Variants in NRXN1 observed in about 807,000 individuals in gnomAD.
NRXN1 encodes neurexin 1.
NRXN1 carries 39 observed loss-of-function variants against 150.9 expected under a neutral mutation model. The observed-to-expected ratio is 0.26, with a 90% CI of 0.20 to 0.34. NRXN1 has a LOEUF of 0.34. NRXN1 is among the 10% of genes least tolerant of loss of function. The probability of loss-of-function intolerance (pLI) is 1.00; values close to 1 mark genes in which losing one functional copy is unlikely to be tolerated. For synonymous variants in NRXN1, 924 were observed against 757.0 expected (o/e 1.22, Z -3.62); for missense variants, 1,815 against 1,949.9 (o/e 0.93, Z 1.30).
chr2:50,199,664 G>C (rs1224927522), intron 18 of NRXN1, among the ~76,000 whole-genome samples: 1 of 151,904 alleles, frequency 6.6e-6, no homozygotes, highest in South Asian at 2.1e-4. Flanking sequence ...TTTAATGAAG[G>C]ATTTGTCAGT....
At chr2:50,462,630 T>C (rs745345824) in intron 17 of NRXN1, among the ~76,000 whole-genome samples, 12 of 151,816 alleles carry the variant, frequency 7.9e-5, no homozygotes, top group Non-Finnish European at 1.2e-4. Context: ...TTTTTGTCAG[T>C]GAGTAGGTCA....
At chr2:50,889,163 CTA>C (rs1006297525) in intron 5 of NRXN1, among the ~76,000 whole-genome samples, 75 of 151,646 alleles carry the variant, frequency 4.9e-4, no homozygotes, top group Non-Finnish European at 8.1e-4. Flanking sequence ...GCTTTGTAAA[CTA>C]TGAGTCTTCT....
At chr2:50,241,504 A>T (rs368646926) in intron 17 of NRXN1, among the ~76,000 whole-genome samples, 49 of 151,766 alleles carry the variant, frequency 3.2e-4, no homozygotes, top group African/African-American at 1.1e-3. Flanking sequence ...CATCCATCAG[A>T]TCGCTGAATG....
chr2:50,309,312 G>A (rs1208103572), intron 17 of NRXN1, among the ~76,000 whole-genome samples: 1 of 152,136 alleles, frequency 6.6e-6, no homozygotes, highest in Non-Finnish European at 1.5e-5. Flanking sequence ...CTAGGACACA[G>A]TTTTTCCTCT....
At chr2:50,126,118 G>A (rs1574050170) in intron 18 of NRXN1, among the ~76,000 whole-genome samples, 1 of 152,110 alleles carries the variant, frequency 6.6e-6, no homozygotes, top group Admixed American at 6.6e-5. Context: ...GAATTAAAAT[G>A]CTGCCACTAG....
At chr2:50,156,718 T>A (rs1219283416) in intron 18 of NRXN1, among the ~76,000 whole-genome samples, 1 of 151,936 alleles carries the variant, frequency 6.6e-6, no homozygotes, top group African/African-American at 2.4e-5. Context: ...GAAAGGAAAT[T>A]ATATGAGTAT....
chr2:50,717,030 T>C (rs1559162230), intron 5 of NRXN1, among the ~76,000 whole-genome samples: 3 of 152,162 alleles, frequency 2.0e-5, no homozygotes, highest in African/African-American at 4.8e-5. Flanking sequence ...CATTACCCAA[T>C]GGAGCCTTCA....
intron 5 of NRXN1, among the ~76,000 whole-genome samples, chr2:50,872,865 T>C (rs1025177689): frequency 1.3e-5 from 2 of 151,650 alleles, no homozygotes; most frequent in African/African-American, 4.8e-5. Flanking sequence ...CTACATGTAG[T>C]GAAGAATTTA....
At chr2:49,959,488 T>C (rs942840064) in intron 21 of NRXN1, among the ~76,000 whole-genome samples, 1 of 152,198 alleles carries the variant, frequency 6.6e-6, no homozygotes, top group Non-Finnish European at 1.5e-5. Flanking sequence ...AGTTGTTTGC[T>C]TGACAAATTG....
intron 18 of NRXN1, among the ~76,000 whole-genome samples, chr2:50,095,916 C>T (rs1412751905): frequency 6.7e-6 from 1 of 149,150 alleles, no homozygotes; most frequent in East Asian, 2.0e-4. Flanking sequence ...AGGTGTATCT[C>T]CTAACGCTAT....
chr2:50,532,005 C>G (rs1023168228), intron 10 of NRXN1, among the ~76,000 whole-genome samples: 1 of 152,012 alleles, frequency 6.6e-6, no homozygotes, highest in Non-Finnish European at 1.5e-5. Flanking sequence ...GACACCATGC[C>G]AGGCTAGCTT....
At chr2:50,710,685 C>G (rs1430858524) in intron 5 of NRXN1, among the ~76,000 whole-genome samples, 1 of 151,956 alleles carries the variant, frequency 6.6e-6, no homozygotes, top group Non-Finnish European at 1.5e-5. Flanking sequence ...ATTTAGCTTA[C>G]ATATAGTAAA....
chr2:50,898,781 G>A (rs1335428140), intron 5 of NRXN1, among the ~76,000 whole-genome samples: 1 of 151,928 alleles, frequency 6.6e-6, no homozygotes, highest in Non-Finnish European at 1.5e-5. Flanking sequence ...ATCATTAACA[G>A]TGAAATATAA....
intron 5 of NRXN1, among the ~76,000 whole-genome samples, chr2:50,903,182 C>T (rs912867800): frequency 6.6e-6 from 1 of 152,004 alleles, no homozygotes; most frequent in Non-Finnish European, 1.5e-5. Flanking sequence ...AAAAGATAAA[C>T]TAAAATAAGT....
chr2:50,358,881 T>C (rs573058579), intron 17 of NRXN1, among the ~76,000 whole-genome samples: 2 of 152,062 alleles, frequency 1.3e-5, no homozygotes, highest in East Asian at 3.9e-4. Context: ...CTTCCAGAGG[T>C]GGAAGCAAGC....
chr2:50,499,135 T>C (rs62135007), intron 13 of NRXN1, among the ~76,000 whole-genome samples: 50,388 of 152,068 alleles, frequency 0.33, 9,406 homozygotes, highest in Middle Eastern at 0.53. Context: ...TTAGACGTCA[T>C]GCTTTTTGTT....
chr2:50,676,085 C>A (rs190295258), intron 5 of NRXN1, among the ~76,000 whole-genome samples: 1 of 152,062 alleles, frequency 6.6e-6, no homozygotes, highest in Non-Finnish European at 1.5e-5. Flanking sequence ...GGATCCTTCA[C>A]GAATAACTTG....
intron 17 of NRXN1, among the ~76,000 whole-genome samples, chr2:50,450,186 G>A (rs1032578944): frequency 6.6e-6 from 1 of 152,086 alleles, no homozygotes; most frequent in Non-Finnish European, 1.5e-5. Context: ...TGTGTGAAAT[G>A]CTCTTCCTGC....
At chr2:50,353,529 G>C (rs1269100619) in intron 17 of NRXN1, among the ~76,000 whole-genome samples, 1 of 151,976 alleles carries the variant, frequency 6.6e-6, no homozygotes, top group Admixed American at 6.6e-5. Context: ...GAGTTTAAGG[G>C]CCCCTTGTCC....
Sources: gnomAD v4.1 joint callset for allele counts (sites outside exome capture counted in the v4.1 genomes callset) on GRCh38, gnomAD v4.1.1 for gene constraint, MANE v1.5 for transcripts, NCBI Gene and HGNC (gene_info 2026-07-23, HGNC 2026-07-21) for gene names.